The following WDR72 variants were observed in gnomAD, a reference collection of about 807,000 sequenced individuals.
The protein encoded by WDR72 is WD repeat domain 72, also known as WD repeat-containing protein 72.
A neutral mutation model predicts 124.2 loss-of-function variants in WDR72; 120 were observed. The ratio of observed to expected loss-of-function variants is 0.97; its 90% CI spans 0.83 to 1.12. WDR72 has a LOEUF of 1.12. Ranked by LOEUF, WDR72 falls within the 50% of genes most tolerant of loss-of-function variation. WDR72 has a pLI of 0.00. For missense variants in WDR72, 1,387 were observed against 1,278.8 expected (o/e 1.08, Z -1.29); for synonymous variants, 452 against 441.7 (o/e 1.02, Z -0.29).
In WDR72 at chr15:53,615,730, C is replaced by A. The variant is rs751371624; in HGVS notation, c.2476G>T (p.Gly826Cys). ...IKHLNILKLQ[G>C]PISLGISLNE... ...AAAGAAATTCCCAAAGAAATAGGACCCTGAAGCTTTAAAATATTGAGGTGC... is the reference window on the plus strand; with the variant it reads ...AAAGAAATTCCCAAAGAAATAGGACACTGAAGCTTTAAAATATTGAGGTGC... Residue 826 changes from glycine to cysteine, a missense_variant, in exon 15 of 20, where the codon GGT becomes TGT. Physicochemically the swap from Gly to Cys is radical, Grantham distance 159. Coordinates refer to ENST00000360509, the MANE Select transcript of WDR72 (RefSeq NM_182758.4). The A allele has an allele frequency of 1.2e-6, 2 of 1,613,080 alleles. No individual in the cohort carries two copies. Among genetic ancestry groups the A allele is most frequent in the Non-Finnish European group, 1.7e-6 (2 of 1,179,596 alleles).
chr15:53,684,985 C>A (rs945740746), intron 13 of WDR72, among the ~76,000 whole-genome samples: 3 of 152,140 alleles, frequency 2.0e-5, no homozygotes, highest in South Asian at 2.1e-4. Flanking sequence ...TTCCAACAGA[C>A]CTGCAGCTGA....
chr15:53,628,164 G>T (rs953982852), intron 14 of WDR72, among the ~76,000 whole-genome samples: 3 of 152,086 alleles, frequency 2.0e-5, no homozygotes, highest in African/African-American at 7.2e-5. Flanking sequence ...AGAAAACAAA[G>T]TTTAGTAATC....
chr15:53,736,545 G>A (rs1414948727), intron 1 of WDR72, among the ~76,000 whole-genome samples: 2 of 152,208 alleles, frequency 1.3e-5, no homozygotes, highest in Non-Finnish European at 2.9e-5. Flanking sequence ...TGGGCAGGGT[G>A]AGGAGGACAT....
chr15:53,573,826 G>A (rs1216009097), intron 18 of WDR72, among the ~76,000 whole-genome samples: 2 of 152,200 alleles, frequency 1.3e-5, no homozygotes, highest in South Asian at 2.1e-4. Context: ...GATTACAGGC[G>A]TGAGCCACGG....
intron 15 of WDR72, 79 bp downstream of exon 15, chr15:53,615,347 A>C: frequency 8.5e-7 from 1 of 1,174,948 alleles, no homozygotes; most frequent in Non-Finnish European, 1.2e-6. Flanking sequence ...GGAATGTTAA[A>C]GAGCTAAATA....
chr15:53,715,028 G>A (rs905659890), intron 5 of WDR72, among the ~76,000 whole-genome samples, 165 bp downstream of exon 5: 1 of 152,156 alleles, frequency 6.6e-6, no homozygotes, highest in African/African-American at 2.4e-5. Flanking sequence ...TGGCATGGGT[G>A]TTCTTAGTTT....
chr15:53,573,537 C>A (rs1250714513), intron 18 of WDR72, among the ~76,000 whole-genome samples: 1 of 151,054 alleles, frequency 6.6e-6, no homozygotes, highest in African/African-American at 2.4e-5. Flanking sequence ...TTAACACCAA[C>A]TGCTTCTTTT....
chr15:53,646,554 A>G (rs2015049242), intron 14 of WDR72, among the ~76,000 whole-genome samples: 1 of 152,152 alleles, frequency 6.6e-6, no homozygotes, highest in Non-Finnish European at 1.5e-5. Flanking sequence ...AGACTGTTTC[A>G]GGTCACCTTG....
intron 18 of WDR72, among the ~76,000 whole-genome samples, chr15:53,557,046 C>G (rs937940642): frequency 6.6e-6 from 1 of 151,974 alleles, no homozygotes; most frequent in Non-Finnish European, 1.5e-5. Flanking sequence ...AATTTGACTT[C>G]AACAATTAAA....
Position 53,638,612 on chromosome 15 carries a change from G to T in WDR72, c.1963-22369C>A, listed in dbSNP as rs1465827112. On this transcript the variant is annotated intron_variant, in intron 14 of 19. Coordinates refer to ENST00000360509, the MANE Select transcript of WDR72 (RefSeq NM_182758.4). ...TTTTTTTTTTTTTTGGTACAGACTG[G>T]CCTTGCACCAAATTACAGAGAAACA... Among the ~76,000 whole-genome samples the T allele has an allele frequency of 3.5e-5, 5 of 141,872 alleles. No homozygotes were observed. The Admixed American group carries it at 3.6e-4, about 10-fold the overall frequency. The allele number at this position is 141,872 out of a possible 152,430, so 93.1% of individuals were successfully genotyped here. A position where few individuals can be genotyped will look rare whatever the true frequency, so the allele number is the denominator to read the frequency against.
intron 18 of WDR72, among the ~76,000 whole-genome samples, chr15:53,530,853 T>C (rs902352676): frequency 4.6e-5 from 7 of 152,036 alleles, no homozygotes; most frequent in African/African-American, 7.2e-5. Flanking sequence ...AACTGTTAAA[T>C]GGCACTAGCA....
At chr15:53,597,314 T>C (rs2012826413) in intron 17 of WDR72, 40 bp from the exon 18 acceptor site, 3 of 1,597,010 alleles carry the variant, frequency 1.9e-6, no homozygotes, top group Non-Finnish European at 2.6e-6. Context: ...TTTAGTATTA[T>C]TACAAATGCT....
intron 1 of WDR72, among the ~76,000 whole-genome samples, chr15:53,758,771 G>GGGGC (rs1491224547): frequency 8.9e-5 from 5 of 55,926 alleles, no homozygotes; most frequent in Admixed American, 1.8e-4. Flanking sequence ...AAAACTGCGG[G>GGGGC]GGGGGGGGGG....
rs2015519540 is a variant in WDR72, at chr15:53,658,965, C to T, written c.1962+6607G>A. On this transcript the variant is annotated intron_variant, in intron 14 of 19. Coordinates refer to ENST00000360509, the MANE Select transcript of WDR72 (RefSeq NM_182758.4). ...AGTAAGGCATCTCCATTCTATTTGG[C>T]TGCTGTCAAAGCCACTCTTTAACAG... is the stretch of plus-strand genomic sequence containing the variant. 1.3e-5 allele frequency among the ~76,000 whole-genome samples: 2 copies of T among 152,170 alleles called. 1 individual carries two copies. Among genetic ancestry groups the T allele is most frequent in the South Asian group, 4.1e-4 (2 of 4,828 alleles).
intron 18 of WDR72, among the ~76,000 whole-genome samples, chr15:53,567,095 A>C (rs1000076261): frequency 6.6e-6 from 1 of 151,994 alleles, no homozygotes; most frequent in African/African-American, 2.4e-5. Flanking sequence ...AGCTGCACTC[A>C]ATGGCAGGGA....
At chr15:53,752,890 C>T (rs1393023005) in intron 1 of WDR72, among the ~76,000 whole-genome samples, 1 of 151,940 alleles carries the variant, frequency 6.6e-6, no homozygotes, top group African/African-American at 2.4e-5. Context: ...AGAATATATT[C>T]ATTTATTAAT....
At chr15:53,608,737 C>A (rs964456012) in intron 17 of WDR72, among the ~76,000 whole-genome samples, 2 of 134,142 alleles carry the variant, frequency 1.5e-5, no homozygotes, top group South Asian at 2.4e-4. Context: ...GACTGGGTGA[C>A]AGAGCGAGAT....
rs1281529085 is a variant in WDR72, at chr15:53,653,097, C to CT, written c.1962+12474dup. Among the ~76,000 whole-genome samples the CT allele has an allele frequency of 5.3e-5, 8 of 152,094 alleles. No homozygotes were observed. In the South Asian group the frequency reaches 6.2e-4, roughly 12 times the overall value. ...GCAATTGGGTGGCGAAATAAATACACTTTTTTTTCTGTCAGTCATTTATAT... is the reference window on the plus strand; with the variant it reads ...GCAATTGGGTGGCGAAATAAATACACTTTTTTTTTCTGTCAGTCATTTATAT... On this transcript the variant is annotated intron_variant, in intron 14 of 19. Transcript: ENST00000360509.
At chr15:53,567,582 A>C in intron 18 of WDR72, among the ~76,000 whole-genome samples, 1 of 152,044 alleles carries the variant, frequency 6.6e-6, no homozygotes, top group East Asian at 1.9e-4. Flanking sequence ...TTATATAACC[A>C]GTTTTATAAA....
Sources: allele counts gnomAD v4.1 joint callset (sites outside exome capture counted in the v4.1 genomes callset), GRCh38; gene constraint gnomAD v4.1.1; transcripts MANE v1.5; gene names NCBI Gene and HGNC (gene_info 2026-07-23, HGNC 2026-07-21).